Variants in ABCA2 observed in about 807,000 individuals in gnomAD.
ABCA2 encodes the protein ATP-binding cassette sub-family A member 2.
A neutral mutation model predicts 262.8 loss-of-function variants in ABCA2; 84 were observed. The ratio of observed to expected loss-of-function variants is 0.32; its 90% CI spans 0.27 to 0.38. The LOEUF (loss-of-function observed/expected upper bound fraction) is 0.38. ABCA2 is among the 10% of genes least tolerant of loss of function. The probability of loss-of-function intolerance (pLI) is 1.00; values close to 1 mark genes in which losing one functional copy is unlikely to be tolerated. For missense variants in ABCA2, 2,662 were observed against 3,405.9 expected (o/e 0.78, Z 5.44); for synonymous variants, 1,696 against 1,502.9 (o/e 1.13, Z -2.97).
chr9:137,021,023 T>G lies in ABCA2; in HGVS notation c.936A>C (p.Pro312=). The stretch of plus-strand genomic sequence containing the variant: ...GCAGCCTCCGTGGGGGTGGCGCCTG[T>G]GGCGAGGAGTCCGAGCCGTTGGGGG... ...LDAPNGSDSS[P]QAPPPRRLQA... The change falls in exon 9 of 49, where the codon CCA becomes CCC. Residue 312 remains proline (P), a synonymous_variant. Transcript: ENST00000341511. This position sits in a 1 kb window ranked among gnomAD's most constrained non-coding sequence, Gnocchi z 6.0. 3.4e-6 allele frequency: 5 copies of G among 1,486,290 alleles called. No individual in the cohort carries two copies. The South Asian group carries it at 6.7e-5, about 20-fold the overall frequency. The allele number at this position is 1,486,290 out of a possible 1,614,324, so 92.1% of individuals were successfully genotyped here. A position where few individuals can be genotyped will look rare whatever the true frequency, so the allele number is the denominator to read the frequency against.
rs368981949 is a variant in ABCA2, at chr9:137,017,666, G to A, written c.2238C>T (p.Asn746=). The change falls in exon 17 of 49, where the codon AAC becomes AAT. Residue 746 remains asparagine, a synonymous_variant. Coordinates refer to ENST00000341511, the MANE Select transcript of ABCA2 (RefSeq NM_001606.5). ...TGAACCAGGCCACCCAGTGCACCGC[G>A]TTGTTCAGGCCCATGGTCTTCATCA... ...KEVMKTMGLN[N]AVHWVAWFIT... 11 of 1,611,898 alleles carry A rather than the reference G, an allele frequency of 6.8e-6. No individual in the cohort carries two copies. In the African/African-American group the frequency reaches 9.3e-5, roughly 14 times the overall value.
chr9:137,008,156 C>T (rs961467879), intron 48 of ABCA2, 192 bp from the exon 49 acceptor site: 8 of 826,478 alleles, frequency 9.7e-6, no homozygotes, highest in South Asian at 7.4e-5. Context: ...GAGTCTACAT[C>T]GGTCCCCTGT....
upstream of ABCA2, chr9:137,028,904 T>C: frequency 7.7e-7 from 1 of 1,296,902 alleles, no homozygotes. This position sits in a 1 kb window ranked among gnomAD's most constrained non-coding sequence, Gnocchi z 6.9. Context: ...GCACAGGGAG[T>C]TCGGGATCAG....
chr9:137,012,878 C>T lies in ABCA2; in HGVS notation c.4915G>A (p.Val1639Ile), dbSNP rs559737748. 1.6e-5 allele frequency: 25 copies of T among 1,583,394 alleles called. No individual in the cohort carries two copies. Among genetic ancestry groups the T allele is most frequent in the Admixed American group, 3.5e-5 (2 of 56,382 alleles). Residue 1639 changes from valine to isoleucine, a missense_variant, in exon 31 of 49, where the codon GTC becomes ATC. By Grantham distance (29) the Val-to-Ile change is conservative. This residue lies in a region of ABCA2 where 192 missense variants were observed against 207.2 expected (regional missense o/e 0.93). Transcript: ENST00000341511. ...PSLPRLVREP[V>I]RCTCSAQGTG... ...CCCTGCGCAGAGCAGGTGCAGCGGA[C>T]GGGCTCCCGTACCAGGCGCGGCAGG...
In ABCA2 at chr9:137,015,115, G is replaced by A; in HGVS notation, c.3698-18C>T. 4 of 1,559,618 alleles carry A rather than the reference G, an allele frequency of 2.6e-6. No homozygotes were observed. The highest frequency in any genetic ancestry group is 1.2e-5 in the South Asian group (1 of 82,916). On this transcript the variant is annotated intron_variant, in intron 24 of 48. Transcript: ENST00000341511. ...CCCTGGCTCTGTGGGGGACGTGGGA[G>A]CAGGAAGGAATTCACTCAGGGGCTG...
At position 137,020,724 on chromosome 9, in the gene ABCA2, C is replaced by T; in HGVS notation, c.1235G>A (p.Gly412Asp). The change falls in exon 9 of 49, where the codon GGC becomes GAC. Residue 412 changes from glycine (G) to aspartate (D), a missense_variant. Physicochemically the swap from Gly to Asp is moderately conservative, Grantham distance 94. Coordinates refer to ENST00000341511, the MANE Select transcript of ABCA2 (RefSeq NM_001606.5). Reference protein sequence around the residue: ...QCSAFVQLWAGLQPILCGNNR... With the variant: ...QCSAFVQLWADLQPILCGNNR... ...GTTGCCACACAAGATGGGCTGCAGG[C>T]CGGCCCAGAGCTGTACGAAGGCTGA... 6.2e-7 allele frequency: 1 copy of T among 1,601,188 alleles called. No individual in the cohort carries two copies. Among genetic ancestry groups the T allele is most frequent in the South Asian group, 1.1e-5 (1 of 90,810 alleles).
rs1379056446 is a variant in ABCA2, at chr9:137,019,443, CT to C, written c.1426-138del. On this transcript the variant is annotated intron_variant, in intron 10 of 48. Transcript: ENST00000341511. The surrounding 1 kb of genome is among the most constrained non-coding windows in gnomAD (Gnocchi z 4.4). ...CCCCACCTTTTTTTTTTTTTTTTTCCTGAGACAGGGTCTCAGTCACCCACGC... is the reference window on the plus strand; with the variant it reads ...CCCCACCTTTTTTTTTTTTTTTTTCCGAGACAGGGTCTCAGTCACCCACGC... The C allele has an allele frequency of 5.2e-6, 5 of 956,480 alleles. No individual in the cohort carries two copies. Among genetic ancestry groups the C allele is most frequent in the African/African-American group, 1.8e-5 (1 of 56,720 alleles). 59.2% of individuals were successfully genotyped at this position (956,480 alleles called of 1,614,324 possible). A position where few individuals can be genotyped will look rare whatever the true frequency, so the allele number is the denominator to read the frequency against.
chr9:137,011,463 T>C lies in ABCA2; in HGVS notation c.5743A>G (p.Ile1915Val), dbSNP rs1206245247. ...GTGGCCACGGTGGCGGTGATGCCGA[T>C]GAAGAGATTGATGACAATGAGGAAC... ...YVFLIVINLF[I>V]GITATVATFL... Residue 1915 changes from isoleucine (I) to valine (V), a missense_variant, in exon 37 of 49, where the codon ATC becomes GTC. By Grantham distance (29) the Ile-to-Val change is conservative (BLOSUM62 3). This residue lies in a region of ABCA2 where 602 missense variants were observed against 897.4 expected (regional missense o/e 0.67). Transcript: ENST00000341511. The surrounding 1 kb of genome is among the most constrained non-coding windows in gnomAD (Gnocchi z 8.8). 6.2e-7 allele frequency: 1 copy of C among 1,610,500 alleles called. No homozygotes were observed. The highest frequency in any genetic ancestry group is 8.5e-7 in the Non-Finnish European group (1 of 1,179,026).
In ABCA2 at chr9:137,018,985, G is replaced by A. The variant is rs755744010; in HGVS notation, c.1640C>T (p.Ser547Leu). 68 of 1,612,932 alleles carry A rather than the reference G, an allele frequency of 4.2e-5. 1 individual carries two copies. The South Asian group carries it at 5.4e-4, about 13-fold the overall frequency. The change falls in exon 12 of 49, where the codon TCG (serine) becomes TTG (leucine). Residue 547 changes from serine to leucine, a missense_variant. Physicochemically the swap from Ser to Leu is moderately radical, Grantham distance 145. Transcript: ENST00000341511. ...LPPALRQDNF[S>L]LPSGMALLQQ... is the part of the protein sequence containing the mutation. ...CAGGAGGGCCATGCCACTGGGCAGC[G>A]AGAAGTTGTCCTGTCTCAGGGCCGG...
chr9:137,008,042 GC>G (rs1830895799), intron 48 of ABCA2, 78 bp from the exon 49 acceptor site: 3 of 1,531,630 alleles, frequency 2.0e-6, no homozygotes, highest in Non-Finnish European at 2.6e-6. Flanking sequence ...GTGCTGGCCC[GC>G]CCCGGCCCTC....
At chr9:137,013,609 C>T in intron 28 of ABCA2, 46 bp from the exon 29 acceptor site, 1 of 1,548,956 alleles carries the variant, frequency 6.5e-7, no homozygotes, top group Non-Finnish European at 8.8e-7. Flanking sequence ...GCCCTCTGGC[C>T]AGCGGCCCCC....
In ABCA2 at chr9:137,009,814, G is replaced by A. The variant is rs1830969549; in HGVS notation, c.6585C>T (p.Leu2195=). 3 of 1,612,406 alleles carry A rather than the reference G, an allele frequency of 1.9e-6. No homozygotes were observed. The highest frequency in any genetic ancestry group is 3.3e-5 in the Admixed American group (2 of 59,958). The change falls in exon 43 of 49, where the codon CTC becomes CTT. Residue 2195 remains leucine (L), a synonymous_variant. Coordinates refer to ENST00000341511, the MANE Select transcript of ABCA2 (RefSeq NM_001606.5). ...GTYSGGNKRK[L]STAIALIGYP... ...ACCCAATGAGGGCGATGGCCGTGGAGAGCTTCCGCTTGTTGCCGCCGCTGT... is the reference window on the plus strand; with the variant it reads ...ACCCAATGAGGGCGATGGCCGTGGAAAGCTTCCGCTTGTTGCCGCCGCTGT...
chr9:137,014,005 T>C lies in ABCA2; in HGVS notation c.4274A>G (p.Gln1425Arg), dbSNP rs1247123578. ...CCCGCCGTCCAGCTTGCGGCTGCCC[T>C]GGCCGACCCTCGACAGGGCCTCTGC... is the stretch of plus-strand genomic sequence containing the variant. ...VEAEALSRVG[Q>R]GSRKLDGGWL... Residue 1425 changes from glutamine (Q) to arginine (R), a missense_variant, in exon 28 of 49, where the codon CAG (glutamine) becomes CGG (arginine). Coordinates refer to ENST00000341511, the MANE Select transcript of ABCA2 (RefSeq NM_001606.5). 4 of 1,611,710 alleles carry C rather than the reference T, an allele frequency of 2.5e-6. No homozygotes were observed. Among genetic ancestry groups the C allele is most frequent in the Non-Finnish European group, 3.4e-6 (4 of 1,179,848 alleles).
intron 45 of ABCA2, 37 bp from the exon 46 acceptor site, chr9:137,009,090 G>T: frequency 6.3e-7 from 1 of 1,580,262 alleles, no homozygotes; most frequent in Non-Finnish European, 8.6e-7. Flanking sequence ...GCCCTGCGCC[G>T]CCCAGCCAGA....
At chr9:137,022,035 G>A (rs1564229605) in intron 6 of ABCA2, 34 bp from the exon 7 acceptor site, 9 of 201,838 alleles carry the variant, frequency 4.5e-5, no homozygotes, top group Middle Eastern at 2.4e-3. Flanking sequence ...CAGATGGGGT[G>A]TGGGGGGCGT....
rs752444645 is a variant in ABCA2 at position 137,014,020 on chromosome 9, A to G, written c.4259T>C (p.Leu1420Pro). The G allele has an allele frequency of 8.7e-6, 14 of 1,611,260 alleles. 1 individual carries two copies. In the South Asian group the frequency reaches 1.4e-4, roughly 16 times the overall value. ...VSLQEVEAEA[L>P]SRVGQGSRKL... ...GCGGCTGCCCTGGCCGACCCTCGAC[A>G]GGGCCTCTGCCTCCACCTCTGTGCA... Residue 1420 changes from leucine to proline, a missense_variant, in exon 28 of 49, where the codon CTG becomes CCG. This residue lies in a region of ABCA2 where 297 missense variants were observed against 286.5 expected (regional missense o/e 1.04). Coordinates refer to ENST00000341511, the MANE Select transcript of ABCA2 (RefSeq NM_001606.5).
At chr9:137,028,699 A>T, upstream of ABCA2, 1 of 1,229,076 alleles carries the variant, frequency 8.1e-7, no homozygotes, top group South Asian at 1.5e-5. This position sits in a 1 kb window ranked among gnomAD's most constrained non-coding sequence, Gnocchi z 6.9. Context: ...CAGCACTTGG[A>T]GTCCAGGTGG....
chr9:137,028,778 G>T, upstream of ABCA2: 1 of 1,291,426 alleles, frequency 7.7e-7, no homozygotes, highest in Non-Finnish European at 1.0e-6. The surrounding 1 kb of genome is among the most constrained non-coding windows in gnomAD (Gnocchi z 6.9). Context: ...CCAGCGGAAG[G>T]GGGGAAACTC....
chr9:137,021,086 A>C lies in ABCA2; in HGVS notation c.898-25T>G. 6.8e-7 allele frequency: 1 copy of C among 1,463,914 alleles called. No individual in the cohort carries two copies. Among genetic ancestry groups the C allele is most frequent in the Middle Eastern group, 1.9e-4 (1 of 5,334 alleles). The allele number at this position is 1,463,914 out of a possible 1,614,324, so 90.7% of individuals were successfully genotyped here. On this transcript the variant is annotated intron_variant, in intron 8 of 48. Transcript: ENST00000341511. This position sits in a 1 kb window ranked among gnomAD's most constrained non-coding sequence, Gnocchi z 6.0. ...GCTGAGGGGAAACAGGCACGTGGGC[A>C]GTGCGGGGTGAGATGGACTGCAGGT...
Sources: allele counts gnomAD v4.1 joint callset, GRCh38; gene constraint gnomAD v4.1.1; regional missense constraint gnomAD v4.1.1; non-coding constraint Gnocchi (gnomAD v3.1); transcripts MANE v1.5; gene names NCBI Gene and HGNC (gene_info 2026-07-23, HGNC 2026-07-21).